Variants in MBTPS1 observed in about 807,000 individuals in gnomAD.
MBTPS1 encodes the protein membrane bound transcription factor peptidase, site 1.
A neutral mutation model predicts 127.8 loss-of-function variants in MBTPS1; 94 were observed. That is an observed-to-expected ratio of 0.74 (90% CI 0.62 to 0.87). The LOEUF (loss-of-function observed/expected upper bound fraction) is 0.87. MBTPS1 is among the 40% of genes least tolerant of loss of function. MBTPS1 has a pLI of 0.00. For synonymous variants in MBTPS1, 632 were observed against 509.4 expected, an observed-to-expected ratio of 1.24 and a Z score of -3.24; for missense variants, 1,636 against 1,353.2, an observed-to-expected ratio of 1.21 and a Z score of -3.28.
chr16:84,096,445 A>G (rs567411674), intron 3 of MBTPS1, among the ~76,000 whole-genome samples: 1 of 152,360 alleles, frequency 6.6e-6, no homozygotes, highest in East Asian at 1.9e-4. Context: ...AAACTTGCCA[A>G]ACTATACTCT....
chr16:84,071,618 T>C (rs924410268), intron 12 of MBTPS1, among the ~76,000 whole-genome samples: 1 of 152,180 alleles, frequency 6.6e-6, no homozygotes, highest in African/African-American at 2.4e-5. Flanking sequence ...TATTTAACAA[T>C]CATATACATA....
At chr16:84,116,043 A>T (rs1021058523) in intron 1 of MBTPS1, among the ~76,000 whole-genome samples, 2 of 152,162 alleles carry the variant, frequency 1.3e-5, no homozygotes, top group African/African-American at 4.8e-5. Flanking sequence ...TTACCTACAC[A>T]GTTCAGACTA....
chr16:84,065,845 A>C lies in MBTPS1; in HGVS notation c.2354-78T>G, dbSNP rs1377103286. 5 of 794,220 alleles carry C rather than the reference A, an allele frequency of 6.3e-6. No homozygotes were observed. In the African/African-American group the frequency reaches 9.0e-5, roughly 14 times the overall value. 49.2% of individuals were successfully genotyped at this position (794,220 alleles called of 1,614,324 possible). On this transcript the variant is annotated intron_variant, in intron 17 of 22. Transcript: ENST00000343411. The stretch of plus-strand genomic sequence containing the variant: ...TAAATAATAGCTACTCGTTTACCCA[A>C]AATACATTCTTCAGATGCTATGTAT...
At chr16:84,060,530 T>A in intron 20 of MBTPS1, 152 bp downstream of exon 20, 2 of 801,560 alleles carry the variant, frequency 2.5e-6, no homozygotes, top group South Asian at 3.7e-5. Flanking sequence ...TTAGAGCCGC[T>A]GAGTGCTGCT....
chr16:84,068,367 G>A lies in MBTPS1; in HGVS notation c.2043C>T (p.Pro681=). 2 of 1,613,918 alleles carry A rather than the reference G, an allele frequency of 1.2e-6. No homozygotes were observed. Among genetic ancestry groups the A allele is most frequent in the East Asian group, 2.2e-5 (1 of 44,886 alleles). ...ACTGACTGGCATCAAAACACGTGAA[G>A]GGGGCCCCGAGGACCTCTACAAAGT... The part of the protein sequence containing the change: ...MGYFVEVLGA[P]FTCFDASQYG... Residue 681 remains proline, a synonymous_variant, in exon 15 of 23, where the codon CCC becomes CCT. Coordinates refer to ENST00000343411, the MANE Select transcript of MBTPS1 (RefSeq NM_003791.4).
chr16:84,054,648 G>GT lies in MBTPS1; in HGVS notation c.2963-4dup, dbSNP rs776191055. 3.2e-6 allele frequency: 5 copies of GT among 1,582,880 alleles called. 1 individual carries two copies. Among genetic ancestry groups the GT allele is most frequent in the Middle Eastern group, 1.7e-4 (1 of 5,864 alleles). On this transcript the variant is annotated splice_polypyrimidine_tract_variant and splice_region_variant and intron_variant, in intron 22 of 22. Transcript: ENST00000343411. ...GTTGTAGCGGCCAGGCATGATCCCTGTAAGAGGACAGCCGGTTGAACAGGC... is the reference window on the plus strand; with the variant it reads ...GTTGTAGCGGCCAGGCATGATCCCTGTTAAGAGGACAGCCGGTTGAACAGGC...
chr16:84,079,843 T>G (rs6563997), intron 11 of MBTPS1, among the ~76,000 whole-genome samples: 110,077 of 152,004 alleles, frequency 0.72, 39,969 homozygotes, highest in East Asian at 0.86. Context: ...ACAGAAGCAG[T>G]CGTATGTGTC....
At position 84,063,350 on chromosome 16, in the gene MBTPS1, G is replaced by T. The variant is rs889277286; in HGVS notation, c.2527C>A (p.Leu843Met). ...IPAEGGGRIV[L>M]YGDSNCLDDS... is the part of the protein sequence containing the mutation. ...TCCAAGCAATTGGAGTCCCCATACA[G>T]TACAATCCGGCCTCCACCCTCAGCT... is the stretch of plus-strand genomic sequence containing the variant. The change falls in exon 19 of 23, where the codon CTG becomes ATG. Residue 843 changes from leucine to methionine, a missense_variant. Transcript: ENST00000343411. The T allele has an allele frequency of 1.2e-6, 2 of 1,614,120 alleles. No homozygotes were observed. Among genetic ancestry groups the T allele is most frequent in the Non-Finnish European group, 1.7e-6 (2 of 1,179,986 alleles).
In MBTPS1 at chr16:84,059,411, A is replaced by G. The variant is rs1162069046; in HGVS notation, c.2722T>C (p.Tyr908His). ...AAATGGGCCTCCAGAACCTTGGAGT[A>G]CCGATGAAGATGGTTTCCTGTGGTT... ...ERMEGNHLHR[Y>H]SKVLEAHLGD... The change falls in exon 21 of 23, where the codon TAC (tyrosine) becomes CAC (histidine). Residue 908 changes from tyrosine (Y) to histidine (H), a missense_variant. Physicochemically the swap from Tyr to His is moderately conservative, Grantham distance 83 (BLOSUM62 2). Transcript: ENST00000343411. The G allele has an allele frequency of 6.2e-7, 1 of 1,613,452 alleles. No homozygotes were observed. Among genetic ancestry groups the G allele is most frequent in the South Asian group, 1.1e-5 (1 of 90,996 alleles).
Position 84,102,031 on chromosome 16 carries a change from C to T in MBTPS1, c.-248G>A, listed in dbSNP as rs561810725. ...AAGGCTTCTCTCACTCAGGCCGTGA[C>T]GACTGAGTCCTGTACTCCATTTGTA... On this transcript the variant is annotated 5_prime_UTR_variant, in exon 2 of 23. Transcript: ENST00000343411. 86 of 461,648 alleles carry T rather than the reference C, an allele frequency of 1.9e-4. No individual in the cohort carries two copies. Among genetic ancestry groups the T allele is most frequent in the African/African-American group, 1.1e-3 (57 of 51,040 alleles). The allele number at this position is 461,648 out of a possible 1,614,324, so 28.6% of individuals were successfully genotyped here. A position where few individuals can be genotyped will look rare whatever the true frequency, so the allele number is the denominator to read the frequency against.
intron 9 of MBTPS1, among the ~76,000 whole-genome samples, chr16:84,085,464 AG>A (rs1357865927): frequency 1.3e-5 from 2 of 151,698 alleles, no homozygotes; most frequent in African/African-American, 4.8e-5. Context: ...GCTACTCAGG[AG>A]GATCACCTGA....
At position 84,081,876 on chromosome 16, in the gene MBTPS1, G is replaced by C. The variant is rs752366664; in HGVS notation, c.1319C>G (p.Ala440Gly). 1.3e-6 allele frequency: 2 copies of C among 1,482,836 alleles called. No homozygotes were observed. Among genetic ancestry groups the C allele is most frequent in the Admixed American group, 5.0e-5 (2 of 40,242 alleles). The allele number at this position is 1,482,836 out of a possible 1,614,324, so 91.9% of individuals were successfully genotyped here. ...CGCGATCAGGGCCTGCTTCATACTG[G>C]CGGGATTCACCAGCTCACGCTTCTG... The part of the protein sequence containing the change: ...TVQKRELVNP[A>G]SMKQALIASA... Residue 440 changes from alanine to glycine, a missense_variant, in exon 11 of 23, where the codon GCC becomes GGC. By Grantham distance (60) the Ala-to-Gly change is moderately conservative. Coordinates refer to ENST00000343411, the MANE Select transcript of MBTPS1 (RefSeq NM_003791.4).
Position 84,101,738 on chromosome 16 carries a change from A to C in MBTPS1, c.46T>G (p.Cys16Gly). The C allele has an allele frequency of 6.2e-7, 1 of 1,614,184 alleles. No individual in the cohort carries two copies. Among genetic ancestry groups the C allele is most frequent in the South Asian group, 1.1e-5 (1 of 91,074 alleles). ...IWLLLLVVLL[C>G]GKKHLGDRLE... is the part of the protein sequence containing the mutation. ...CTGTCGCCCAGATGTTTCTTCCCACAGAGCAAAACCACGAGCAGAAGCAGC... is the reference window on the plus strand; with the variant it reads ...CTGTCGCCCAGATGTTTCTTCCCACCGAGCAAAACCACGAGCAGAAGCAGC... The change falls in exon 2 of 23, where the codon TGT becomes GGT. Residue 16 changes from cysteine to glycine, a missense_variant. By Grantham distance (159) the Cys-to-Gly change is radical. Transcript: ENST00000343411.
At chr16:84,063,663 G>T (rs2085644928) in intron 18 of MBTPS1, among the ~76,000 whole-genome samples, 1 of 152,118 alleles carries the variant, frequency 6.6e-6, no homozygotes, top group Non-Finnish European at 1.5e-5. Context: ...AATTCACTTT[G>T]TGTGTATTTC....
chr16:84,066,402 TTCTC>T (rs2085683374), intron 17 of MBTPS1, 83 bp downstream of exon 17: 1 of 1,397,280 alleles, frequency 7.2e-7, no homozygotes, highest in Admixed American at 2.3e-5. Flanking sequence ...GGGATCACCA[TTCTC>T]TTTCTCAAGA....
At chr16:84,098,242 G>GCT (rs1244865501) in intron 3 of MBTPS1, among the ~76,000 whole-genome samples, 1 of 152,202 alleles carries the variant, frequency 6.6e-6, no homozygotes, top group Non-Finnish European at 1.5e-5. Flanking sequence ...CCCAGCTGAT[G>GCT]CATGACCATT....
chr16:84,081,943 C>T, intron 10 of MBTPS1, 35 bp from the exon 11 acceptor site: 1 of 1,342,024 alleles, frequency 7.5e-7, no homozygotes, highest in Non-Finnish European at 9.7e-7. Flanking sequence ...TATTTTCTCT[C>T]AGTAAAAGAA....
intron 1 of MBTPS1, among the ~76,000 whole-genome samples, chr16:84,108,118 T>C (rs189469168): frequency 1.3e-5 from 2 of 152,042 alleles, no homozygotes; most frequent in African/African-American, 4.8e-5. Flanking sequence ...TGACGAATGG[T>C]CCCTCCTGGT....
chr16:84,067,270 C>A (rs2085699638), intron 16 of MBTPS1, among the ~76,000 whole-genome samples: 1 of 152,174 alleles, frequency 6.6e-6, no homozygotes, highest in Admixed American at 6.5e-5. Context: ...ATATTATTAA[C>A]AGTACTCATA....
Sources: allele counts gnomAD v4.1 joint callset (sites outside exome capture counted in the v4.1 genomes callset), GRCh38; gene constraint gnomAD v4.1.1; transcripts MANE v1.5; gene names NCBI Gene and HGNC (gene_info 2026-07-23, HGNC 2026-07-21).